Variants in PCNX2 observed in about 807,000 individuals in gnomAD.
PCNX2 encodes the protein pecanex-like protein 2.
A neutral mutation model predicts 223.8 loss-of-function variants in PCNX2; 168 were observed. That is an observed-to-expected ratio of 0.75 (90% CI 0.66 to 0.85). The LOEUF is 0.85. PCNX2 is among the 40% of genes least tolerant of loss of function. The pLI, the probability that PCNX2 is intolerant of heterozygous loss-of-function variation, is 0.00. For synonymous variants in PCNX2, 1,006 were observed against 1,052.6 expected (o/e 0.96, Z 0.86); for missense variants, 2,507 against 2,675.5 (o/e 0.94, Z 1.39).
At chr1:233,226,478 C>T (rs1176002769) in intron 10 of PCNX2, among the ~76,000 whole-genome samples, 2 of 152,210 alleles carry the variant, frequency 1.3e-5, no homozygotes, top group Non-Finnish European at 2.9e-5. Flanking sequence ...CCATGTTGGT[C>T]AGGCTGGTCT....
At chr1:233,215,841 T>C (rs1682091657) in intron 12 of PCNX2, among the ~76,000 whole-genome samples, 1 of 152,196 alleles carries the variant, frequency 6.6e-6, no homozygotes, top group South Asian at 2.1e-4. Flanking sequence ...AATACCCTAA[T>C]TATGCTGCTT....
intron 1 of PCNX2, chr1:233,284,989 T>C (rs1661374457): frequency 1.0e-6 from 1 of 985,320 alleles, no homozygotes; most frequent in Middle Eastern, 5.2e-4. Context: ...CCTAACTACC[T>C]ATAATGAGCA....
chr1:233,022,733 T>C (rs1241478059), intron 26 of PCNX2, among the ~76,000 whole-genome samples: 2 of 149,242 alleles, frequency 1.3e-5, no homozygotes, highest in East Asian at 4.0e-4. Flanking sequence ...AGTCTCGCTC[T>C]GTTGCCCAGG....
the PCNX2 span, among the ~76,000 whole-genome samples, chr1:233,315,142 G>C: frequency 6.6e-6 from 1 of 152,134 alleles, no homozygotes; most frequent in African/African-American, 2.4e-5. Context: ...AAGCAGCAAC[G>C]GGAATGGATT....
At chr1:233,234,261 A>T (rs1420703404) in intron 9 of PCNX2, among the ~76,000 whole-genome samples, 1 of 152,240 alleles carries the variant, frequency 6.6e-6, no homozygotes, top group Non-Finnish European at 1.5e-5. Flanking sequence ...TCCTGGTGAT[A>T]TCAATTATAT....
At chr1:233,158,387 G>A (rs537134056) in intron 19 of PCNX2, among the ~76,000 whole-genome samples, 1 of 152,050 alleles carries the variant, frequency 6.6e-6, no homozygotes, top group African/African-American at 2.4e-5. Context: ...TAGGTATAGG[G>A]AAAGGCACAG....
At chr1:233,251,026 T>A (rs1206338335) in intron 7 of PCNX2, among the ~76,000 whole-genome samples, 194 bp from the exon 8 acceptor site, 1 of 152,210 alleles carries the variant, frequency 6.6e-6, no homozygotes, top group African/African-American at 2.4e-5. Flanking sequence ...TGAAAGAAAC[T>A]TTACTAAGAA....
At chr1:233,029,520 A>C (rs1198415678) in intron 25 of PCNX2, among the ~76,000 whole-genome samples, 1 of 151,972 alleles carries the variant, frequency 6.6e-6, no homozygotes, top group Non-Finnish European at 1.5e-5. Flanking sequence ...TCGATTTTTC[A>C]TCTAATATTG....
chr1:233,049,654 A>T (rs1228891097), intron 25 of PCNX2, among the ~76,000 whole-genome samples: 5 of 152,262 alleles, frequency 3.3e-5, no homozygotes, highest in African/African-American at 1.2e-4. Context: ...CAAATAGAAA[A>T]AGAAGTCAAA....
the PCNX2 span, among the ~76,000 whole-genome samples, chr1:233,314,642 T>C: frequency 6.6e-6 from 1 of 152,262 alleles, no homozygotes; most frequent in South Asian, 2.1e-4. Flanking sequence ...GGAGAATCAA[T>C]ATTCTGTATA....
At chr1:233,035,859 G>C (rs189958834) in intron 25 of PCNX2, among the ~76,000 whole-genome samples, 2 of 152,234 alleles carry the variant, frequency 1.3e-5, no homozygotes, top group African/African-American at 2.4e-5. Context: ...GTGTGAGACA[G>C]GGCTCAGCCC....
At chr1:233,077,185 A>G (rs934756112) in intron 23 of PCNX2, among the ~76,000 whole-genome samples, 1 of 152,262 alleles carries the variant, frequency 6.6e-6, no homozygotes, top group Non-Finnish European at 1.5e-5. Flanking sequence ...AAATAGTTCT[A>G]TGTCACTGCA....
At chr1:233,211,279 G>C (rs961063078) in intron 12 of PCNX2, among the ~76,000 whole-genome samples, 1 of 152,052 alleles carries the variant, frequency 6.6e-6, no homozygotes, top group Non-Finnish European at 1.5e-5. Context: ...GGACAGAAGA[G>C]AGCCCCTGAC....
At position 233,256,414 on chromosome 1, in the gene PCNX2, G is replaced by A. The variant is rs566242055; in HGVS notation, c.1834+1614C>T. Among the ~76,000 whole-genome samples, 105 of 152,266 alleles carry A rather than the reference G, an allele frequency of 6.9e-4. 2 individuals are homozygous for A. The Middle Eastern group carries it at 0.031, about 44-fold the overall frequency. ...CCAAGCTCAACCAGCTGGTATTACT[G>A]AACCAAAATCTGGCCTTGGGCTATC... is the stretch of plus-strand genomic sequence containing the variant. On this transcript the variant is annotated intron_variant, in intron 5 of 33. Transcript: ENST00000258229.
intron 1 of PCNX2, among the ~76,000 whole-genome samples, chr1:233,281,021 A>G (rs768801367): frequency 2.6e-5 from 4 of 152,228 alleles, no homozygotes; most frequent in Non-Finnish European, 4.4e-5. Flanking sequence ...ACGGAATAAT[A>G]AATTCAGATA....
chr1:233,146,703 C>T (rs1233151028), intron 19 of PCNX2, among the ~76,000 whole-genome samples: 1 of 152,212 alleles, frequency 6.6e-6, no homozygotes, highest in Admixed American at 6.5e-5. Context: ...CCAATCTCTT[C>T]CCAGTGCTAT....
At chr1:233,254,380 G>T (rs1659613480) in intron 5 of PCNX2, among the ~76,000 whole-genome samples, 1 of 152,116 alleles carries the variant, frequency 6.6e-6, no homozygotes, top group Non-Finnish European at 1.5e-5. Flanking sequence ...TCGCAGAAAG[G>T]CATATTGACA....
intron 1 of PCNX2, among the ~76,000 whole-genome samples, chr1:233,265,379 T>C (rs1287636145): frequency 2.6e-5 from 4 of 152,240 alleles, no homozygotes; most frequent in South Asian, 2.1e-4. Flanking sequence ...CTTCATTTCC[T>C]AGCTTCTCTT....
intron 32 of PCNX2, among the ~76,000 whole-genome samples, chr1:232,997,109 T>A (rs1040548749): frequency 6.6e-6 from 1 of 152,160 alleles, no homozygotes; most frequent in Admixed American, 6.5e-5. Flanking sequence ...CCCGCCTTTT[T>A]CCCCTATTGC....
Sources: gnomAD v4.1 joint callset for allele counts (sites outside exome capture counted in the v4.1 genomes callset) on GRCh38, gnomAD v4.1.1 for gene constraint, MANE v1.5 for transcripts, NCBI Gene and HGNC (gene_info 2026-07-23, HGNC 2026-07-21) for gene names.